Variants in ZNF618 observed in about 807,000 individuals in gnomAD.
ZNF618 encodes the protein neural precursor cell expressed, developmentally down-regulated 10.
A neutral mutation model predicts 103.0 loss-of-function variants in ZNF618; 34 were observed. The observed-to-expected ratio is 0.33, with a 90% CI of 0.25 to 0.44. ZNF618 has a LOEUF of 0.44. Ranked by LOEUF, ZNF618 falls within the 20% of genes least tolerant of loss-of-function variation. The pLI is 1.00. For missense variants in ZNF618, 1,059 were observed against 1,295.4 expected (o/e 0.82, Z 2.80); for synonymous variants, 551 against 542.2 (o/e 1.02, Z -0.23).
At chr9:113,993,705 G>A (rs912247390) in intron 3 of ZNF618, among the ~76,000 whole-genome samples, 1 of 152,216 alleles carries the variant, frequency 6.6e-6, no homozygotes, top group Non-Finnish European at 1.5e-5. Context: ...TGGAGGGAAT[G>A]AGTGACCCAG....
At chr9:113,908,173 T>G (rs1198824922) in intron 1 of ZNF618, among the ~76,000 whole-genome samples, 1 of 152,206 alleles carries the variant, frequency 6.6e-6, no homozygotes, top group Non-Finnish European at 1.5e-5. Flanking sequence ...GTTCAGTGAC[T>G]GATGTAACAG....
At position 113,918,159 on chromosome 9, in the gene ZNF618, C is replaced by T. The variant is rs190931613; in HGVS notation, c.33+41746C>T. 9.7e-4 allele frequency among the ~76,000 whole-genome samples: 148 copies of T among 152,290 alleles called. 1 individual carries two copies. Among genetic ancestry groups the T allele is most frequent in the Middle Eastern group, 3.4e-3 (1 of 294 alleles). ...GAATGCTCCTCCTGGATTTGTGAGA[C>T]ATTTGTAGGATGACGGAGGGTATGC... On this transcript the variant is annotated intron_variant, in intron 1 of 14. Transcript: ENST00000374126.
In ZNF618 at chr9:114,036,288, T is replaced by C. The variant is rs1368376790; in HGVS notation, c.1169-12T>C. 6.4e-7 allele frequency: 1 copy of C among 1,563,514 alleles called. No individual in the cohort carries two copies. The highest frequency in any genetic ancestry group is 1.9e-5 in the Admixed American group (1 of 52,632). ...TCCACCCCTCACGTGGCTGCCGCAT[T>C]TCTCCCTCCAGAACCCTACACCTGC... On this transcript the variant is annotated splice_polypyrimidine_tract_variant and intron_variant, in intron 12 of 14. Coordinates refer to ENST00000374126, the MANE Select transcript of ZNF618 (RefSeq NM_001318042.2).
rs1837714990 is a variant in ZNF618 at position 113,969,172 on chromosome 9, C to T, written c.77+12C>T. On this transcript the variant is annotated intron_variant, in intron 2 of 14. Coordinates refer to ENST00000374126, the MANE Select transcript of ZNF618 (RefSeq NM_001318042.2). ...AGCACTGCGAGCAGGTACACTCCCT[C>T]TCCCGCCCCCAGCTTGTCCACCCAT... The T allele has an allele frequency of 6.2e-7, 1 of 1,614,006 alleles. No homozygotes were observed. Among genetic ancestry groups the T allele is most frequent in the African/African-American group, 1.3e-5 (1 of 75,054 alleles).
intron 1 of ZNF618, 70 bp from the exon 2 acceptor site, chr9:113,969,047 T>C (rs952622788): frequency 3.2e-6 from 5 of 1,564,030 alleles, no homozygotes; most frequent in Non-Finnish European, 4.4e-6. Flanking sequence ...GGGAGCTTGA[T>C]GGGGTGGCAG....
intron 1 of ZNF618, among the ~76,000 whole-genome samples, chr9:113,905,363 C>A (rs1029666710): frequency 6.6e-6 from 1 of 152,170 alleles, no homozygotes; most frequent in African/African-American, 2.4e-5. Context: ...TTCAGCAAGA[C>A]CAGAGCAACC....
chr9:113,904,299 T>C (rs1273766232), intron 1 of ZNF618, among the ~76,000 whole-genome samples: 1 of 152,108 alleles, frequency 6.6e-6, no homozygotes, highest in East Asian at 1.9e-4. Flanking sequence ...TGTGTCCCTA[T>C]AAGGTGATTA....
intron 1 of ZNF618, among the ~76,000 whole-genome samples, chr9:113,944,715 T>C (rs1834853247): frequency 6.6e-6 from 1 of 152,228 alleles, no homozygotes; most frequent in Non-Finnish European, 1.5e-5. Flanking sequence ...TCATAACATA[T>C]TTTATTGAGC....
chr9:114,056,378 G>A lies in ZNF618; in HGVS notation c.*6211G>A, dbSNP rs574848401. The A allele has an allele frequency of 6.6e-6, 1 of 152,336 alleles. No homozygotes were observed. The highest frequency in any genetic ancestry group is 2.1e-4 in the South Asian group (1 of 4,818). 9.4% of individuals were successfully genotyped at this position (152,336 alleles called of 1,614,324 possible). A position where few individuals can be genotyped will look rare whatever the true frequency, so the allele number is the denominator to read the frequency against. ...TGTCCAAAAGTGGAACATTCCCAGG[G>A]AGAAGAGGAAGGTTCCACTCGGTTC... On this transcript the variant is annotated 3_prime_UTR_variant, in exon 15 of 15. Transcript: ENST00000374126.
intron 3 of ZNF618, among the ~76,000 whole-genome samples, chr9:113,994,167 T>C (rs1840344173): frequency 6.6e-6 from 1 of 151,904 alleles, no homozygotes; most frequent in Non-Finnish European, 1.5e-5. Flanking sequence ...AGGAAGGAGC[T>C]CCAACCAGGA....
At chr9:113,920,275 AC>A (rs1171908449) in intron 1 of ZNF618, among the ~76,000 whole-genome samples, 1 of 151,774 alleles carries the variant, frequency 6.6e-6, no homozygotes, top group Non-Finnish European at 1.5e-5. Flanking sequence ...GGGCTAGGAG[AC>A]CCCTTAATGG....
chr9:113,937,137 A>G (rs942208801), intron 1 of ZNF618, among the ~76,000 whole-genome samples: 1 of 152,206 alleles, frequency 6.6e-6, no homozygotes. Flanking sequence ...TGAAAAACTT[A>G]TTTCGACATA....
At chr9:114,027,837 G>C (rs1488595715) in intron 10 of ZNF618, 1 of 152,382 alleles carries the variant, frequency 6.6e-6, no homozygotes, top group Non-Finnish European at 1.5e-5. Flanking sequence ...GGTTCTGTGA[G>C]CCTCTGGTCG....
intron 13 of ZNF618, 25 bp from the exon 14 acceptor site, chr9:114,047,866 AAC>A: frequency 6.4e-7 from 1 of 1,569,516 alleles, no homozygotes; most frequent in Non-Finnish European, 8.7e-7. Context: ...CCTTCCAGGT[AAC>A]ACACTGTCCC....
intron 1 of ZNF618, among the ~76,000 whole-genome samples, chr9:113,888,669 T>C (rs1190473693): frequency 1.3e-5 from 2 of 152,214 alleles, no homozygotes; most frequent in African/African-American, 4.8e-5. Context: ...CAGGGATACC[T>C]GGAGCCCACA....
intron 1 of ZNF618, among the ~76,000 whole-genome samples, chr9:113,932,903 G>A (rs1447585256): frequency 6.6e-6 from 1 of 152,198 alleles, no homozygotes; most frequent in Non-Finnish European, 1.5e-5. Flanking sequence ...ATATTAAATT[G>A]CTGGATCATC....
chr9:114,048,627 A>G, intron 14 of ZNF618, 24 bp from the exon 15 acceptor site: 1 of 1,590,614 alleles, frequency 6.3e-7, no homozygotes, highest in Non-Finnish European at 8.6e-7. Context: ...AATTAATCCC[A>G]TCTGTCTTTG....
intron 1 of ZNF618, among the ~76,000 whole-genome samples, chr9:113,906,027 C>A (rs145714702): frequency 6.6e-6 from 1 of 152,222 alleles, no homozygotes; most frequent in Non-Finnish European, 1.5e-5. Context: ...CGATCAGTTT[C>A]TTAGTTGTTT....
chr9:114,027,790 G>A (rs143813903), intron 10 of ZNF618: 24 of 152,326 alleles, frequency 1.6e-4, no homozygotes, highest in African/African-American at 5.8e-4. Context: ...CAGGCACTGA[G>A]TCAAGACAGT....
Sources: gnomAD v4.1 joint callset for allele counts (sites outside exome capture counted in the v4.1 genomes callset) on GRCh38, gnomAD v4.1.1 for gene constraint, MANE v1.5 for transcripts, NCBI Gene and HGNC (gene_info 2026-07-23, HGNC 2026-07-21) for gene names.